Variants in GANC observed in about 807,000 individuals in gnomAD.
GANC encodes neutral alpha-glucosidase C.
GANC carries 117 observed loss-of-function variants against 124.2 expected under a neutral mutation model. The observed-to-expected ratio is 0.94, with a 90% confidence interval of 0.81 to 1.10. GANC has a LOEUF of 1.10. GANC is among the 50% of genes least tolerant of loss of function. GANC has a pLI of 0.00. For synonymous variants in GANC, 377 were observed against 376.8 expected (o/e 1.00, Z -0.01); for missense variants, 1,140 against 1,095.0 (o/e 1.04, Z -0.58).
intron 3 of GANC, among the ~76,000 whole-genome samples, chr15:42,283,141 T>C (rs1274009483): frequency 6.6e-6 from 1 of 152,190 alleles, no homozygotes; most frequent in African/African-American, 2.4e-5. Context: ...CATAGATCTG[T>C]TCCAAAACAA....
chr15:42,297,489 T>C (rs1170590864), intron 5 of GANC, 122 bp from the exon 6 acceptor site: 1 of 606,228 alleles, frequency 1.6e-6, no homozygotes, highest in Admixed American at 3.3e-5. Flanking sequence ...AATGATGTTA[T>C]ATTTAATACA....
chr15:42,321,842 A>G lies in GANC; in HGVS notation c.1115A>G (p.Tyr372Cys), dbSNP rs1026962591. Residue 372 changes from tyrosine (Y) to cysteine (C), a missense_variant, in exon 11 of 24, where the codon TAT (tyrosine) becomes TGT (cysteine). Transcript: ENST00000318010. ...SLGYHQCRWNYEDEQDVKAVD... is the reference protein window; with the variant it reads ...SLGYHQCRWNCEDEQDVKAVD... ...GGATACCACCAGTGCCGCTGGAACT[A>G]TGAAGATGAGCAGGATGTAAAAGCA... 8 of 1,614,222 alleles carry G rather than the reference A, an allele frequency of 5.0e-6. No individual in the cohort carries two copies. The South Asian group carries it at 5.5e-5, about 11-fold the overall frequency.
Position 42,352,386 on chromosome 15 carries a change from A to C in GANC, c.*247A>C, listed in dbSNP as rs1378756866. The C allele has an allele frequency of 3.1e-6, 4 of 1,271,000 alleles. No homozygotes were observed. The African/African-American group carries it at 6.1e-5, about 19-fold the overall frequency. 78.7% of individuals were successfully genotyped at this position (1,271,000 alleles called of 1,614,324 possible). On this transcript the variant is annotated 3_prime_UTR_variant, in exon 24 of 24. Transcript: ENST00000318010. ...CTTTTCTCCCTGATACATAGCCCTG[A>C]GACATTTATAGCGTTCAGGAGTCTT...
At chr15:42,276,774 G>A (rs907611566) in intron 2 of GANC, among the ~76,000 whole-genome samples, 39 of 151,916 alleles carry the variant, frequency 2.6e-4, no homozygotes, top group African/African-American at 8.9e-4. Context: ...CCGAATAACC[G>A]AATTTCTTCA....
chr15:42,303,581 AC>A (rs2051966632), intron 6 of GANC, among the ~76,000 whole-genome samples: 2 of 151,590 alleles, frequency 1.3e-5, no homozygotes, highest in East Asian at 3.9e-4. Flanking sequence ...AAGAGTCAAG[AC>A]CCACCAGTGT....
intron 4 of GANC, among the ~76,000 whole-genome samples, chr15:42,289,188 T>G (rs1250734982): frequency 6.6e-6 from 1 of 152,204 alleles, no homozygotes; most frequent in African/African-American, 2.4e-5. Context: ...CTGATATAAT[T>G]CAGTTTCCAC....
chr15:42,348,170 G>T lies in GANC; in HGVS notation c.2372G>T (p.Trp791Leu). 2 of 1,612,654 alleles carry T rather than the reference G, an allele frequency of 1.2e-6. No individual in the cohort carries two copies. The highest frequency in any genetic ancestry group is 1.7e-6 in the Non-Finnish European group (2 of 1,179,488). The change falls in exon 21 of 24, where the codon TGG (tryptophan) becomes TTG (leucine). Residue 791 changes from tryptophan to leucine, a missense_variant. Trp to Leu is a moderately conservative substitution (Grantham distance 61). Coordinates refer to ENST00000318010, the MANE Select transcript of GANC (RefSeq NM_198141.3). ...IKTTVGKSTG[W>L]MTESSYGLRV... is the part of the protein sequence containing the mutation. ...ACAACTGTAGGAAAATCCACAGGCT[G>T]GATGACTGAATCCTCCTATGGACTC...
In GANC at chr15:42,294,593, A is replaced by AG. The variant is rs1491157118; in HGVS notation, c.512+1677dup. On this transcript the variant is annotated intron_variant, in intron 5 of 23. Transcript: ENST00000318010. The stretch of plus-strand genomic sequence containing the variant: ...CTGTCTCAAAAAAAAAAAAAAAAAA[A>AG]GTAATGTGTTTCCAGTTTTTTGTGT... Among the ~76,000 whole-genome samples the AG allele has an allele frequency of 7.4e-5, 11 of 147,940 alleles. 1 individual carries two copies. The highest frequency in any genetic ancestry group is 2.8e-4 in the African/African-American group (11 of 39,316).
Position 42,321,821 on chromosome 15 carries a change from AC to A in GANC, c.1096del (p.His366ThrfsTer13). ...ATGCCCCCTCTTTTCTCTTTGGGAT[AC>A]CACCAGTGCCGCTGGAACTATGAAG... ...QAMPPLFSLG[Y>X]HQCRWNYEDE... On this transcript the variant is annotated frameshift_variant, in exon 11 of 24. Coordinates refer to ENST00000318010, the MANE Select transcript of GANC (RefSeq NM_198141.3). LOFTEE classifies it high-confidence loss of function. 1 of 1,614,194 alleles carries A rather than the reference AC, an allele frequency of 6.2e-7. No individual in the cohort carries two copies. Among genetic ancestry groups the A allele is most frequent in the African/African-American group, 1.3e-5 (1 of 75,046 alleles).
intron 15 of GANC, among the ~76,000 whole-genome samples, chr15:42,335,174 T>G (rs763686529): frequency 6.6e-6 from 1 of 152,078 alleles, no homozygotes; most frequent in South Asian, 2.1e-4. Context: ...AGAGAAAATT[T>G]CAAGCCAGTA....
chr15:42,287,724 G>A lies in GANC; in HGVS notation c.235G>A (p.Gly79Arg), dbSNP rs915572859. 1 of 1,612,806 alleles carries A rather than the reference G, an allele frequency of 6.2e-7. No homozygotes were observed. Among genetic ancestry groups the A allele is most frequent in the Non-Finnish European group, 8.5e-7 (1 of 1,179,330 alleles). The change falls in exon 4 of 24, where the codon GGA becomes AGA. Residue 79 changes from glycine to arginine, a missense_variant. Gly to Arg is a moderately radical substitution (Grantham distance 125). Transcript: ENST00000318010. ...PLLAEIYGIE[G>R]NIFRLKINEE... is the part of the protein sequence containing the mutation. ...CCTGGCTGAAATTTATGGTATAGAA[G>A]GAAACATTTTCAGGCTTAAAATTAA... is the stretch of plus-strand genomic sequence containing the variant.
At chr15:42,301,078 G>A (rs945521888) in intron 6 of GANC, among the ~76,000 whole-genome samples, 28 of 151,836 alleles carry the variant, frequency 1.8e-4, no homozygotes, top group Non-Finnish European at 3.2e-4. Context: ...CAAGATGGCT[G>A]AATAGGAACA....
chr15:42,329,315 G>A lies in GANC; in HGVS notation c.1510G>A (p.Asp504Asn), dbSNP rs778652416. 8.7e-6 allele frequency: 14 copies of A among 1,613,240 alleles called. No individual in the cohort carries two copies. Among genetic ancestry groups the A allele is most frequent in the Non-Finnish European group, 1.2e-5 (14 of 1,179,660 alleles). ...FAFPVYQGST[D>N]ILFLWNDMNE... ...AAGGTTTACTTCCTAGGGATCTACG[G>A]ACATCCTCTTCCTTTGGAATGACAT... is the stretch of plus-strand genomic sequence containing the variant. Residue 504 changes from aspartate (D) to asparagine (N), a missense_variant, in exon 14 of 24, where the codon GAC (aspartate) becomes AAC (asparagine). Transcript: ENST00000318010.
At chr15:42,316,572 C>A (rs957604685) in intron 10 of GANC, among the ~76,000 whole-genome samples, 3 of 152,190 alleles carry the variant, frequency 2.0e-5, no homozygotes, top group Non-Finnish European at 4.4e-5. Context: ...ACTATTTATT[C>A]TACCGCTATC....
rs751704578 is a variant in GANC, at chr15:42,310,325, A to G, written c.765A>G (p.Gly255=). The change falls in exon 9 of 24, where the codon GGA becomes GGG. Residue 255 remains glycine (G), a synonymous_variant. Transcript: ENST00000318010. ...AYRLYNLDVY[G]YQIYDKMGIY... ...GTCTTTATAACCTGGATGTCTATGG[A>G]TACCAAATATATGATAAAATGGGCA... The G allele has an allele frequency of 1.2e-6, 2 of 1,612,690 alleles. No individual in the cohort carries two copies. The highest frequency in any genetic ancestry group is 1.7e-6 in the Non-Finnish European group (2 of 1,179,076).
At chr15:42,295,945 C>G (rs551745293) in intron 5 of GANC, among the ~76,000 whole-genome samples, 1 of 152,110 alleles carries the variant, frequency 6.6e-6, no homozygotes, top group African/African-American at 2.4e-5. Flanking sequence ...AGTTTGAGAC[C>G]AGCCTGGCCA....
Position 42,276,518 on chromosome 15 carries a change from T to A in GANC, c.92+108T>A, listed in dbSNP as rs957516989. The A allele has an allele frequency of 1.9e-5, 11 of 567,592 alleles. No homozygotes were observed. In the Admixed American group the frequency reaches 2.4e-4, roughly 12 times the overall value. 35.2% of individuals were successfully genotyped at this position (567,592 alleles called of 1,614,324 possible). On this transcript the variant is annotated intron_variant, in intron 2 of 23. Coordinates refer to ENST00000318010, the MANE Select transcript of GANC (RefSeq NM_198141.3). ...ATAGACTTTCCAAGGAAAGGATAAT[T>A]TAATAATTAAGGAAATCATCAGACA...
intron 17 of GANC, 103 bp downstream of exon 17, chr15:42,340,015 G>A (rs2052317715): frequency 7.1e-7 from 1 of 1,403,752 alleles, no homozygotes; most frequent in African/African-American, 1.4e-5. Context: ...AGAGAAAGGT[G>A]AAGAAAAGCT....
intron 6 of GANC, 36 bp downstream of exon 6, chr15:42,297,692 C>T (rs771158908): frequency 4.1e-6 from 6 of 1,460,556 alleles, no homozygotes; most frequent in Non-Finnish European, 2.9e-6. Flanking sequence ...TTATCTTTTT[C>T]ACCATCATCA....
Sources: gnomAD v4.1 joint callset for allele counts (sites outside exome capture counted in the v4.1 genomes callset) on GRCh38, gnomAD v4.1.1 for gene constraint, MANE v1.5 for transcripts, NCBI Gene and HGNC (gene_info 2026-07-23, HGNC 2026-07-21) for gene names.